BCL11B: variants seen among roughly 807,000 people sequenced by gnomAD.
The protein encoded by BCL11B is BCL11 transcription factor B.
BCL11B carries 8 observed loss-of-function variants against 49.9 expected under a neutral mutation model. That is an observed-to-expected ratio of 0.16 (90% CI 0.09 to 0.29). The LOEUF (loss-of-function observed/expected upper bound fraction) is 0.29, where lower values mean the gene tolerates loss of function less well. BCL11B is among the 10% of genes least tolerant of loss of function. The pLI, the probability that BCL11B is intolerant of heterozygous loss-of-function variation, is 1.00. For missense variants in BCL11B, 1,006 were observed against 1,351.0 expected (o/e 0.74, Z 4.00); for synonymous variants, 739 against 637.4 (o/e 1.16, Z -2.40).
chr14:99,169,453 T>A lies in BCL11B; in HGVS notation c.*4698A>T, dbSNP rs1472497195. 1 of 196,128 alleles carries A rather than the reference T, an allele frequency of 5.1e-6. No individual in the cohort carries two copies. The highest frequency in any genetic ancestry group is 1.1e-5 in the Non-Finnish European group (1 of 94,224). The allele number at this position is 196,128 out of a possible 1,614,324, so 12.1% of individuals were successfully genotyped here. On this transcript the variant is annotated 3_prime_UTR_variant, in exon 4 of 4. Transcript: ENST00000357195. ...TCTTGTACAGAGAATAAAGGAACAA[T>A]AAATATTTTACTAAGCCATATTGAA...
Position 99,205,390 on chromosome 14 carries a change from G to C in BCL11B, c.640+25955C>G, listed in dbSNP as rs1887505498. Among the ~76,000 whole-genome samples, 1 of 152,164 alleles carries C rather than the reference G, an allele frequency of 6.6e-6. No individual in the cohort carries two copies. Among genetic ancestry groups the C allele is most frequent in the African/African-American group, 2.4e-5 (1 of 41,440 alleles). ...ATTCACTCTGGTGCTCCACAAGTTT[G>C]ACGGTTTGGGAAAATTCGCGGACTC... On this transcript the variant is annotated intron_variant, in intron 3 of 3. Coordinates refer to ENST00000357195, the MANE Select transcript of BCL11B (RefSeq NM_138576.4). The surrounding 1 kb of genome is among the most constrained non-coding windows in gnomAD (Gnocchi z 5.0).
chr14:99,199,905 C>G (rs1327344399), intron 3 of BCL11B, among the ~76,000 whole-genome samples: 1 of 151,856 alleles, frequency 6.6e-6, no homozygotes, highest in Non-Finnish European at 1.5e-5. Context: ...TGCCTCGCCA[C>G]AGGATTAATT....
chr14:99,248,586 G>A lies in BCL11B; in HGVS notation c.427+8885C>T, dbSNP rs763325266. The stretch of plus-strand genomic sequence containing the variant: ...TCTGAGCTTCAACTGTTTACCTCAC[G>A]GTGAGTGGACCAAATTCTCCCATAA... On this transcript the variant is annotated intron_variant, in intron 2 of 3. Transcript: ENST00000357195. This position sits in a 1 kb window ranked among gnomAD's most constrained non-coding sequence, Gnocchi z 4.7. 9.9e-5 allele frequency among the ~76,000 whole-genome samples: 15 copies of A among 152,176 alleles called. No homozygotes were observed. The highest frequency in any genetic ancestry group is 3.9e-4 in the Admixed American group (6 of 15,286).
rs573655853 is a variant in BCL11B at position 99,265,673 on chromosome 14, C to T, written c.58+5488G>A. ...TCATCTCTGAGTGGTCCAGTGAGCT[C>T]GCTGCCACTACATGCTTACAACTGG... On this transcript the variant is annotated intron_variant, in intron 1 of 3. Transcript: ENST00000357195. Among the ~76,000 whole-genome samples the T allele has an allele frequency of 3.0e-4, 45 of 152,246 alleles. 1 individual carries two copies. In the East Asian group the frequency reaches 3.7e-3, roughly 12 times the overall value.
In BCL11B at chr14:99,262,208, G is replaced by A. The variant is rs1889356100; in HGVS notation, c.59-4369C>T. ...CCAGTGACTCCCCCACACACAGGGT[G>A]CCAAGGACCCCGCCCTCCCTGGCCC... On this transcript the variant is annotated intron_variant, in intron 1 of 3. Transcript: ENST00000357195. The surrounding 1 kb of genome is among the most constrained non-coding windows in gnomAD (Gnocchi z 4.2). 6.6e-6 allele frequency among the ~76,000 whole-genome samples: 1 copy of A among 152,216 alleles called. No individual in the cohort carries two copies. Among genetic ancestry groups the A allele is most frequent in the Non-Finnish European group, 1.5e-5 (1 of 68,044 alleles).
chr14:99,174,125 G>C lies in BCL11B; in HGVS notation c.*26C>G. ...CGGTTGGCAACGGTTCCACTGTACA[G>C]GTGCGGGGCGCCGGGGCCCGCGCGC... On this transcript the variant is annotated 3_prime_UTR_variant, in exon 4 of 4. Coordinates refer to ENST00000357195, the MANE Select transcript of BCL11B (RefSeq NM_138576.4). 1 of 1,602,272 alleles carries C rather than the reference G, an allele frequency of 6.2e-7. No homozygotes were observed. The highest frequency in any genetic ancestry group is 1.1e-5 in the South Asian group (1 of 90,682).
In BCL11B at chr14:99,175,357, C is replaced by T. The variant is rs1441842859; in HGVS notation, c.1479G>A (p.Ser493=). The T allele has an allele frequency of 1.9e-6, 3 of 1,568,930 alleles. No homozygotes were observed. Among genetic ancestry groups the T allele is most frequent in the South Asian group, 1.1e-5 (1 of 87,622 alleles). The change falls in exon 4 of 4, where the codon TCG becomes TCA. Residue 493 remains serine (S), a synonymous_variant. Transcript: ENST00000357195. ...TGCCGGGCTCGGGGGAGCTGGCGGCCGAGAGCCCGTCGTCGGAGCGGCCGG... is the reference window on the plus strand; with the variant it reads ...TGCCGGGCTCGGGGGAGCTGGCGGCTGAGAGCCCGTCGTCGGAGCGGCCGG... ...SLAGRSDDGL[S]AASSPEPGTS...
intron 3 of BCL11B, among the ~76,000 whole-genome samples, chr14:99,191,129 T>C (rs1315296248): frequency 6.6e-6 from 1 of 152,156 alleles, no homozygotes; most frequent in Non-Finnish European, 1.5e-5. Flanking sequence ...AGGACAGTGG[T>C]TCTCAACTGA....
At position 99,176,041 on chromosome 14, in the gene BCL11B, G is replaced by T; in HGVS notation, c.795C>A (p.Ile265=). The T allele has an allele frequency of 6.3e-7, 1 of 1,591,774 alleles. No individual in the cohort carries two copies. The highest frequency in any genetic ancestry group is 8.6e-7 in the Non-Finnish European group (1 of 1,168,932). ...CGGCCTCCGGCCCGAGCGGCGGCGG[G>T]ATGGTGAGCCGCGGCGTGAGCGAGC... ...ASSSLTPRLT[I]PPPLGPEAVA... The change falls in exon 4 of 4, where the codon ATC becomes ATA. Residue 265 remains isoleucine (I), a synonymous_variant. Coordinates refer to ENST00000357195, the MANE Select transcript of BCL11B (RefSeq NM_138576.4).
intron 3 of BCL11B, among the ~76,000 whole-genome samples, chr14:99,207,041 C>A (rs1193149010): frequency 1.3e-5 from 2 of 152,320 alleles, no homozygotes; most frequent in South Asian, 2.1e-4. Flanking sequence ...CTATTACTTT[C>A]TTTCATAAGT....
At chr14:99,212,773 C>T (rs575435719) in intron 3 of BCL11B, among the ~76,000 whole-genome samples, 15 of 152,300 alleles carry the variant, frequency 9.8e-5, no homozygotes, top group Admixed American at 9.8e-4. Context: ...CCTGACAGGG[C>T]CCATGTGAGA....
Position 99,271,341 on chromosome 14 carries a change from T to TC in BCL11B, c.-124dup. Reference sequence around the variant, plus strand: ...CCGCCGCCGCCGCCGCCGCCGCACCTCCTCCTCTGCCCGGGTTGGTGTTTT... The same window carrying TC: ...CCGCCGCCGCCGCCGCCGCCGCACCTCCCTCCTCTGCCCGGGTTGGTGTTTT... On this transcript the variant is annotated 5_prime_UTR_variant, in exon 1 of 4. Transcript: ENST00000357195. 1 of 422,002 alleles carries TC rather than the reference T, an allele frequency of 2.4e-6. No homozygotes were observed. The allele number at this position is 422,002 out of a possible 1,614,324, so 26.1% of individuals were successfully genotyped here. A position where few individuals can be genotyped will look rare whatever the true frequency, so the allele number is the denominator to read the frequency against.
At chr14:99,249,756 G>A (rs1464370666) in intron 2 of BCL11B, among the ~76,000 whole-genome samples, 1 of 152,170 alleles carries the variant, frequency 6.6e-6, no homozygotes, top group East Asian at 1.9e-4. Flanking sequence ...AGGTCATAGG[G>A]AGGATTACAC....
Position 99,171,978 on chromosome 14 carries a change from CA to C in BCL11B, c.*2172del. 4.9e-6 allele frequency: 1 copy of C among 203,716 alleles called. No homozygotes were observed. Among genetic ancestry groups the C allele is most frequent in the Non-Finnish European group, 1.0e-5 (1 of 99,472 alleles). The allele number at this position is 203,716 out of a possible 1,614,324, so 12.6% of individuals were successfully genotyped here. The stretch of plus-strand genomic sequence containing the variant: ...ATAATATATACTAAAACCCCGTCAC[CA>C]AAAGAAAACAATATACACGCGGCCA... On this transcript the variant is annotated 3_prime_UTR_variant, in exon 4 of 4. Coordinates refer to ENST00000357195, the MANE Select transcript of BCL11B (RefSeq NM_138576.4).
At chr14:99,208,125 A>G (rs1887586977) in intron 3 of BCL11B, among the ~76,000 whole-genome samples, 1 of 152,158 alleles carries the variant, frequency 6.6e-6, no homozygotes, top group South Asian at 2.1e-4. Flanking sequence ...GGGGCCATGC[A>G]TGTTGCAATG....
rs189908640 is a variant in BCL11B at position 99,176,430 on chromosome 14, G to A, written c.641-235C>T. On this transcript the variant is annotated intron_variant, in intron 3 of 3. Coordinates refer to ENST00000357195, the MANE Select transcript of BCL11B (RefSeq NM_138576.4). ...CCGCCCTGGCCACCCGGGCGCCAGCGACTTACTTCAATTGTGTAAGACCCG... is the reference window on the plus strand; with the variant it reads ...CCGCCCTGGCCACCCGGGCGCCAGCAACTTACTTCAATTGTGTAAGACCCG... 2.3e-3 allele frequency among the ~76,000 whole-genome samples: 346 copies of A among 152,302 alleles called. 3 individuals are homozygous for A. The highest frequency in any genetic ancestry group is 8.0e-3 in the East Asian group (41 of 5,152).
At chr14:99,190,278 G>A (rs1375094329) in intron 3 of BCL11B, among the ~76,000 whole-genome samples, 2 of 152,234 alleles carry the variant, frequency 1.3e-5, no homozygotes, top group Non-Finnish European at 2.9e-5. Context: ...CACGAGGTCA[G>A]GAGATCAAGA....
At chr14:99,189,256 C>T (rs1211992072) in intron 3 of BCL11B, among the ~76,000 whole-genome samples, 1 of 152,248 alleles carries the variant, frequency 6.6e-6, no homozygotes, top group African/African-American at 2.4e-5. Flanking sequence ...TGCTGGCTGC[C>T]GGGACGTGGT....
chr14:99,200,893 TG>T (rs1887360716), intron 3 of BCL11B, among the ~76,000 whole-genome samples: 1 of 152,160 alleles, frequency 6.6e-6, no homozygotes, highest in Admixed American at 6.5e-5. Flanking sequence ...TCAAACTGCA[TG>T]GGAAGCAGCC....
Sources: allele counts gnomAD v4.1 joint callset (sites outside exome capture counted in the v4.1 genomes callset), GRCh38; gene constraint gnomAD v4.1.1; non-coding constraint Gnocchi (gnomAD v3.1); transcripts MANE v1.5; gene names NCBI Gene and HGNC (gene_info 2026-07-23, HGNC 2026-07-21).